FHIT: variants seen among roughly 807,000 people sequenced by gnomAD.
The protein encoded by FHIT is fragile histidine triad diadenosine triphosphatase.
Under a neutral mutation model 17.9 loss-of-function variants are expected in FHIT, and 19 were observed. That is an observed-to-expected ratio of 1.06 (90% CI 0.74 to 1.56). The LOEUF is 1.56. Ranked by LOEUF, FHIT falls within the 40% of genes most tolerant of loss-of-function variation. The pLI is 0.00. For synonymous variants in FHIT, 81 were observed against 69.7 expected (o/e 1.16, Z -0.81); for missense variants, 248 against 189.2 (o/e 1.31, Z -1.82).
chr3:61,026,567 C>T (rs1275997290), intron 3 of FHIT, among the ~76,000 whole-genome samples: 1 of 152,190 alleles, frequency 6.6e-6, no homozygotes, highest in African/African-American at 2.4e-5. Flanking sequence ...CAACCTGCAG[C>T]CCACAGGCTG....
rs143719319 is a variant in FHIT, at chr3:60,274,989, T to C, written c.104-260837A>G. ...TAAACTTCCCCACATTTATCTGTTT[T>C]TTAAAAATGATAGTCTCAAGGAAGA... is the stretch of plus-strand genomic sequence containing the variant. On this transcript the variant is annotated intron_variant, in intron 5 of 9. Transcript: ENST00000492590. 6.7e-3 allele frequency among the ~76,000 whole-genome samples: 1,026 copies of C among 152,310 alleles called. 12 individuals are homozygous for C. Among genetic ancestry groups the C allele is most frequent in the African/African-American group, 0.023 (967 of 41,574 alleles).
intron 3 of FHIT, among the ~76,000 whole-genome samples, chr3:61,017,840 T>A (rs963231393): frequency 6.6e-6 from 1 of 152,208 alleles, no homozygotes; most frequent in Non-Finnish European, 1.5e-5. Context: ...AACAGCTGTC[T>A]CACACAGAAG....
At chr3:60,778,390 G>A (rs1214843154) in intron 4 of FHIT, among the ~76,000 whole-genome samples, 1 of 152,152 alleles carries the variant, frequency 6.6e-6, no homozygotes, top group Non-Finnish European at 1.5e-5. Flanking sequence ...GATAACTTTG[G>A]ATATTGTGAC....
intron 4 of FHIT, among the ~76,000 whole-genome samples, chr3:60,744,666 A>G (rs2042321312): frequency 6.6e-6 from 1 of 152,168 alleles, no homozygotes; most frequent in Non-Finnish European, 1.5e-5. Context: ...GCCTGACCCA[A>G]TACAGAGTGA....
intron 5 of FHIT, among the ~76,000 whole-genome samples, chr3:60,495,598 C>T (rs139423656): frequency 3.9e-4 from 59 of 151,974 alleles, no homozygotes; most frequent in African/African-American, 1.4e-3. Flanking sequence ...CAGGGGGAAA[C>T]CTACATTGTG....
At chr3:60,455,723 T>G (rs981464217) in intron 5 of FHIT, among the ~76,000 whole-genome samples, 1 of 152,054 alleles carries the variant, frequency 6.6e-6, no homozygotes, top group Non-Finnish European at 1.5e-5. Context: ...GCTTCTGCAA[T>G]TAAGGATCCT....
chr3:60,349,619 G>A (rs1710979482), intron 5 of FHIT, among the ~76,000 whole-genome samples: 1 of 152,002 alleles, frequency 6.6e-6, no homozygotes, highest in Non-Finnish European at 1.5e-5. Flanking sequence ...AAATATACAA[G>A]CCTCCAAAGA....
intron 4 of FHIT, among the ~76,000 whole-genome samples, chr3:60,681,400 C>T (rs1456758675): frequency 1.3e-5 from 2 of 152,232 alleles, no homozygotes; most frequent in African/African-American, 4.8e-5. Context: ...TTCCCTGAGA[C>T]ACAACAAATT....
intron 5 of FHIT, among the ~76,000 whole-genome samples, chr3:60,284,799 G>A (rs1707641397): frequency 6.6e-6 from 1 of 152,074 alleles, no homozygotes; most frequent in South Asian, 2.1e-4. Context: ...AAAGCTAACA[G>A]TAGTGGTAGC....
chr3:60,878,994 A>G (rs541226935), intron 3 of FHIT, among the ~76,000 whole-genome samples: 1 of 152,276 alleles, frequency 6.6e-6, no homozygotes, highest in East Asian at 1.9e-4. Flanking sequence ...TAATCCTTTG[A>G]GTATATACCC....
At chr3:59,981,733 CACATAAA>C (rs1407534732) in intron 7 of FHIT, among the ~76,000 whole-genome samples, 2 of 152,054 alleles carry the variant, frequency 1.3e-5, no homozygotes, top group African/African-American at 4.8e-5. Flanking sequence ...AAGTTAAACA[CACATAAA>C]ACATTTAATG....
chr3:60,108,187 G>A (rs1410073896), intron 5 of FHIT, among the ~76,000 whole-genome samples: 3 of 152,148 alleles, frequency 2.0e-5, no homozygotes, highest in Non-Finnish European at 2.9e-5. Flanking sequence ...TGTCCACTTC[G>A]GGGTTATTTC....
chr3:61,111,652 A>G (rs1011169188), intron 2 of FHIT, among the ~76,000 whole-genome samples: 2 of 152,234 alleles, frequency 1.3e-5, no homozygotes, highest in African/African-American at 4.8e-5. Flanking sequence ...AGTAATACAA[A>G]TGATAATAAT....
At chr3:60,697,077 C>T (rs2041130615) in intron 4 of FHIT, among the ~76,000 whole-genome samples, 2 of 152,116 alleles carry the variant, frequency 1.3e-5, no homozygotes, top group Non-Finnish European at 2.9e-5. Flanking sequence ...GGAAAGTTAT[C>T]CCTAGTATTT....
intron 8 of FHIT, among the ~76,000 whole-genome samples, chr3:59,766,422 T>C (rs1701799827): frequency 6.6e-6 from 1 of 152,234 alleles, no homozygotes; most frequent in South Asian, 2.1e-4. Context: ...TGTCTGAAAC[T>C]GATGTATCCC....
intron 8 of FHIT, among the ~76,000 whole-genome samples, chr3:59,921,976 T>C (rs1189902515): frequency 6.6e-6 from 1 of 152,216 alleles, no homozygotes; most frequent in African/African-American, 2.4e-5. Flanking sequence ...AAGTGTAGCA[T>C]TTGACTAAAA....
intron 4 of FHIT, among the ~76,000 whole-genome samples, chr3:60,731,516 A>G (rs2042029152): frequency 6.6e-6 from 1 of 152,088 alleles, no homozygotes; most frequent in African/African-American, 2.4e-5. Flanking sequence ...GAGTCTTCCC[A>G]TGGAGTGGGC....
intron 8 of FHIT, among the ~76,000 whole-genome samples, chr3:59,866,131 TAG>T (rs1463615049): frequency 2.0e-5 from 3 of 152,066 alleles, no homozygotes; most frequent in East Asian, 3.9e-4. Context: ...GATGATGAGA[TAG>T]AGAGTACCTG....
intron 4 of FHIT, among the ~76,000 whole-genome samples, chr3:60,724,442 T>A (rs2041872656): frequency 6.6e-6 from 1 of 152,208 alleles, no homozygotes; most frequent in African/African-American, 2.4e-5. Context: ...ACTATGAACA[T>A]TTGCATACAA....
Sources: allele counts gnomAD v4.1 joint callset (sites outside exome capture counted in the v4.1 genomes callset), GRCh38; gene constraint gnomAD v4.1.1; transcripts MANE v1.5; gene names NCBI Gene and HGNC (gene_info 2026-07-23, HGNC 2026-07-21).